The following RAI2 variants were observed in gnomAD, a reference collection of about 807,000 sequenced individuals.
The protein encoded by RAI2 is retinoic acid induced 2.
Under a neutral mutation model 15.3 loss-of-function variants are expected in RAI2, and 5 were observed. The observed-to-expected ratio is 0.33, with a 90% CI of 0.17 to 0.69. The LOEUF (loss-of-function observed/expected upper bound fraction) is 0.69, where lower values mean the gene tolerates loss of function less well. RAI2 is among the 30% of genes least tolerant of loss of function. RAI2 has a pLI of 0.69. For synonymous variants in RAI2, 191 were observed against 184.0 expected (o/e 1.04, Z -0.31); for missense variants, 424 against 424.7 (o/e 1.00, Z 0.01).
intron 1 of RAI2, among the ~76,000 whole-genome samples, chrX:17,821,568 AAGAG>A (rs377257611): frequency 3.7e-5 from 4 of 106,822 alleles, no homozygotes; most frequent in Non-Finnish European, 7.7e-5. Flanking sequence ...GTGTGTGTGT[AAGAG>A]AGAGAGAGAG....
intron 1 of RAI2, among the ~76,000 whole-genome samples, chrX:17,834,466 T>G (rs981718079): frequency 1.9e-5 from 2 of 103,527 alleles, no homozygotes; most frequent in African/African-American, 7.1e-5. Flanking sequence ...AAATGATTCG[T>G]TTTTTTTTTT....
rs1056325554 is a variant in RAI2 at position 17,837,794 on chromosome X, T to C, written c.-25+23304A>G. 6.2e-5 allele frequency: 7 copies of C among 112,168 alleles called. No homozygotes were observed. The Admixed American group carries it at 6.6e-4, about 11-fold the overall frequency. 9.2% of individuals were successfully genotyped at this position (112,168 alleles called of 1,213,427 possible). On this transcript the variant is annotated intron_variant, in intron 1 of 1. Coordinates refer to ENST00000451717, the MANE Select transcript of RAI2 (RefSeq NM_021785.6). ...TTGATTTTTGGCAGGGGGTTATTTT[T>C]TGCAAGCTCTATCTTTGTCAAATGC...
intron 1 of RAI2, among the ~76,000 whole-genome samples, chrX:17,858,312 T>C (rs2067643287): frequency 8.9e-6 from 1 of 112,059 alleles, no homozygotes. Context: ...AATTCTTCCA[T>C]CACAGGGTGG....
chrX:17,855,368 C>A (rs2067588546), intron 1 of RAI2, among the ~76,000 whole-genome samples: 1 of 111,754 alleles, frequency 8.9e-6, no homozygotes, highest in African/African-American at 3.3e-5. Context: ...TCAAGGAATT[C>A]TCCGATGGAC....
intron 1 of RAI2, 134 bp downstream of exon 1, chrX:17,860,964 G>A (rs966551318): frequency 1.6e-4 from 17 of 104,929 alleles, no homozygotes; most frequent in Non-Finnish European, 6.0e-5. Context: ...CCTGCCCCCG[G>A]GAGCAGGCCC....
chrX:17,832,214 A>G (rs769569289), intron 1 of RAI2, among the ~76,000 whole-genome samples: 1 of 112,111 alleles, frequency 8.9e-6, no homozygotes, highest in African/African-American at 3.2e-5. Context: ...AGGGTGACCA[A>G]TTGTCCTGGT....
intron 1 of RAI2, among the ~76,000 whole-genome samples, chrX:17,860,864 G>A (rs937641302): frequency 2.9e-5 from 3 of 104,951 alleles, no homozygotes; most frequent in African/African-American, 1.0e-4. Context: ...AACGGGAGCG[G>A]GGCCCCGGCG....
chrX:17,806,516 C>G (rs1415956633), intron 1 of RAI2, among the ~76,000 whole-genome samples: 1 of 110,758 alleles, frequency 9.0e-6, no homozygotes, highest in East Asian at 2.8e-4. Context: ...CCCTGGAGAC[C>G]TCACCATCTT....
chrX:17,805,636 C>G (rs141989094), intron 1 of RAI2, among the ~76,000 whole-genome samples: 1,337 of 112,643 alleles, frequency 0.012, 22 homozygotes, highest in African/African-American at 0.04. Context: ...GGACAGAGGA[C>G]AGGCCAAGGT....
intron 1 of RAI2, among the ~76,000 whole-genome samples, chrX:17,830,100 A>G (rs2067266756): frequency 1.8e-5 from 2 of 112,397 alleles, no homozygotes; most frequent in African/African-American, 6.5e-5. Context: ...TTTTCTTTAG[A>G]AAGAGTTATA....
chrX:17,819,254 G>A (rs1020904029), intron 1 of RAI2, among the ~76,000 whole-genome samples: 1 of 112,294 alleles, frequency 8.9e-6, no homozygotes, highest in Non-Finnish European at 1.9e-5. Context: ...TGACTGACAT[G>A]CTGGAAAATT....
chrX:17,844,353 T>C (rs957032893), intron 1 of RAI2, among the ~76,000 whole-genome samples: 4 of 112,620 alleles, frequency 3.6e-5, no homozygotes, highest in Non-Finnish European at 7.5e-5. Context: ...CTCCCAGCCA[T>C]TATATTGTCC....
At chrX:17,826,701 G>A (rs747194373) in intron 1 of RAI2, among the ~76,000 whole-genome samples, 2 of 111,837 alleles carry the variant, frequency 1.8e-5, no homozygotes, top group African/African-American at 3.3e-5. Flanking sequence ...ACATGTCAAG[G>A]GAGGGACCTG....
At chrX:17,858,838 T>C (rs781158619) in intron 1 of RAI2, among the ~76,000 whole-genome samples, 1 of 111,932 alleles carries the variant, frequency 8.9e-6, no homozygotes, top group South Asian at 3.8e-4. Flanking sequence ...ACTGGAGGTC[T>C]TGGCTTTTTT....
At chrX:17,855,634 G>A (rs978919374) in intron 1 of RAI2, among the ~76,000 whole-genome samples, 5 of 111,813 alleles carry the variant, frequency 4.5e-5, no homozygotes, top group Middle Eastern at 4.6e-3. Flanking sequence ...ACCTGCCATC[G>A]AGATGGAGAG....
At chrX:17,832,090 G>C (rs1449048874) in intron 1 of RAI2, among the ~76,000 whole-genome samples, 1 of 112,320 alleles carries the variant, frequency 8.9e-6, no homozygotes, top group African/African-American at 3.2e-5. Context: ...CCACTGTCTT[G>C]TTGTTACCAA....
At chrX:17,843,140 A>G (rs996857189) in intron 1 of RAI2, among the ~76,000 whole-genome samples, 2 of 110,204 alleles carry the variant, frequency 1.8e-5, no homozygotes, top group African/African-American at 3.3e-5. Context: ...TTTTTTTTTT[A>G]AAGTGCTGAT....
chrX:17,840,203 C>T (rs1569354326), intron 1 of RAI2, among the ~76,000 whole-genome samples: 1 of 111,933 alleles, frequency 8.9e-6, no homozygotes, highest in East Asian at 2.8e-4. Context: ...TCTTGGATTA[C>T]CAATACTCAG....
intron 1 of RAI2, among the ~76,000 whole-genome samples, chrX:17,856,213 A>T (rs749879605): frequency 9.8e-5 from 11 of 112,324 alleles, no homozygotes; most frequent in Non-Finnish European, 2.1e-4. Flanking sequence ...ATGTCTCAGT[A>T]GAGATTAAAA....
Sources: gnomAD v4.1 joint callset for allele counts (sites outside exome capture counted in the v4.1 genomes callset) on GRCh38, gnomAD v4.1.1 for gene constraint, MANE v1.5 for transcripts, NCBI Gene and HGNC (gene_info 2026-07-23, HGNC 2026-07-21) for gene names.